The following POU2F1 variants were observed in gnomAD, a reference collection of about 807,000 sequenced individuals.
The protein encoded by POU2F1 is POU class 2 homeobox 1.
Under a neutral mutation model 84.9 loss-of-function variants are expected in POU2F1, and 16 were observed. The ratio of observed to expected loss-of-function variants is 0.19; its 90% CI spans 0.13 to 0.29. POU2F1 has a LOEUF of 0.29. Ranked by LOEUF, POU2F1 falls within the 10% of genes least tolerant of loss-of-function variation. POU2F1 has a pLI of 1.00. For missense variants in POU2F1, 738 were observed against 942.6 expected (o/e 0.78, Z 2.84); for synonymous variants, 368 against 368.3 (o/e 1.00, Z 0.01).
At chr1:167,415,419 A>G (rs2101952249) in intron 15 of POU2F1, 81 bp from the exon 16 acceptor site, 1 of 1,446,524 alleles carries the variant, frequency 6.9e-7, no homozygotes, top group Non-Finnish European at 9.4e-7. Flanking sequence ...AAAATGATAG[A>G]CTTTTGATGT....
chr1:167,310,671 A>T (rs1478089224), intron 1 of POU2F1, among the ~76,000 whole-genome samples: 1 of 152,206 alleles, frequency 6.6e-6, no homozygotes, highest in East Asian at 1.9e-4. Flanking sequence ...TACCACGATG[A>T]CAGAGATGTT....
chr1:167,398,214 G>T, intron 11 of POU2F1, 81 bp downstream of exon 11: 1 of 1,477,488 alleles, frequency 6.8e-7, no homozygotes. Context: ...ACTGTAGGTG[G>T]TAAAAGATGA....
chr1:167,383,899 A>C lies in POU2F1; in HGVS notation c.761A>C (p.Gln254Pro). 1 of 1,613,912 alleles carries C rather than the reference A, an allele frequency of 6.2e-7. No homozygotes were observed. ...AATCTTCTAACGCAACTACCTCAGC[A>C]AAGCCAAGCCAACCTCCTACAGTCG... ...AQNLLTQLPQ[Q>P]SQANLLQSQP... The change falls in exon 8 of 16, where the codon CAA becomes CCA. Residue 254 changes from glutamine to proline, a missense_variant. Coordinates refer to ENST00000367866, the MANE Select transcript of POU2F1 (RefSeq NM_002697.4).
At chr1:167,251,061 T>C (rs1280248614) in intron 1 of POU2F1, among the ~76,000 whole-genome samples, 1 of 152,192 alleles carries the variant, frequency 6.6e-6, no homozygotes, top group Non-Finnish European at 1.5e-5. Context: ...AGGTGTATTA[T>C]AAGAACATCT....
rs115202617 is a variant in POU2F1 at position 167,310,243 on chromosome 1, G to T, written c.62-22227G>T. Among the ~76,000 whole-genome samples the T allele has an allele frequency of 7.5e-3, 1,133 of 152,046 alleles. 15 individuals carry two copies. The highest frequency in any genetic ancestry group is 0.026 in the African/African-American group (1,089 of 41,494). ...TTTAATATTAAAAACCAGGAAAGGG[G>T]GGAAGGGAGATCCACAACAAAGAAC... On this transcript the variant is annotated intron_variant, in intron 1 of 15. Transcript: ENST00000367866.
intron 9 of POU2F1, among the ~76,000 whole-genome samples, chr1:167,395,817 C>G (rs192281246): frequency 6.6e-6 from 1 of 152,098 alleles, no homozygotes; most frequent in Non-Finnish European, 1.5e-5. Flanking sequence ...CCAGGCTGGT[C>G]TGGAAATCCT....
chr1:167,391,739 G>C (rs1423104603), intron 9 of POU2F1, among the ~76,000 whole-genome samples: 1 of 150,704 alleles, frequency 6.6e-6, no homozygotes, highest in Non-Finnish European at 1.5e-5. Flanking sequence ...GCTAATTTTT[G>C]TAGAGACAAG....
At chr1:167,354,969 C>T (rs1658839781) in intron 2 of POU2F1, among the ~76,000 whole-genome samples, 1 of 151,912 alleles carries the variant, frequency 6.6e-6, no homozygotes, top group Admixed American at 6.5e-5. Flanking sequence ...TTTCTTTTTT[C>T]AATTCACTTT....
intron 5 of POU2F1, 83 bp from the exon 6 acceptor site, chr1:167,374,025 G>A (rs1346931589): frequency 3.8e-6 from 5 of 1,329,986 alleles, no homozygotes; most frequent in African/African-American, 2.9e-5. Context: ...TATCATTTGA[G>A]TTACCTATTT....
chr1:167,346,969 TA>T (rs1463162453), intron 2 of POU2F1, among the ~76,000 whole-genome samples: 1 of 152,214 alleles, frequency 6.6e-6, no homozygotes, highest in African/African-American at 2.4e-5. Flanking sequence ...ACAAACAATC[TA>T]AAAAATGAGC....
chr1:167,353,391 A>T (rs1312675393), intron 2 of POU2F1, among the ~76,000 whole-genome samples: 6 of 136,098 alleles, frequency 4.4e-5, no homozygotes, highest in Non-Finnish European at 4.7e-5. Context: ...ATCTCTCTTT[A>T]CCCCCACCGC....
chr1:167,235,562 T>C (rs1649386900), intron 1 of POU2F1, among the ~76,000 whole-genome samples: 1 of 152,162 alleles, frequency 6.6e-6, no homozygotes, highest in Admixed American at 6.5e-5. Context: ...GGTTTGGTGA[T>C]TGAGCCCATT....
Position 167,389,589 on chromosome 1 carries a change from C to T in POU2F1, c.815C>T (p.Pro272Leu). ...ATTGTTTTATTCTTTCTCCAACAGC[C>T]AGCAACCCCAACACGCACAATAGCA... is the stretch of plus-strand genomic sequence containing the variant. ...SQPSITLTSQ[P>L]ATPTRTIAAT... Residue 272 changes from proline to leucine, a missense_variant and splice_region_variant, in exon 9 of 16, where the codon CCA (proline) becomes CTA (leucine). This residue lies in a region of POU2F1 where 163 missense variants were observed against 214.4 expected (regional missense o/e 0.76). Coordinates refer to ENST00000367866, the MANE Select transcript of POU2F1 (RefSeq NM_002697.4). 6.2e-7 allele frequency: 1 copy of T among 1,614,038 alleles called. No individual in the cohort carries two copies. Among genetic ancestry groups the T allele is most frequent in the Non-Finnish European group, 8.5e-7 (1 of 1,179,950 alleles).
At chr1:167,270,883 TA>T (rs1652321163) in intron 1 of POU2F1, among the ~76,000 whole-genome samples, 1 of 152,224 alleles carries the variant, frequency 6.6e-6, no homozygotes, top group Non-Finnish European at 1.5e-5. Flanking sequence ...GGTTTTTCAC[TA>T]ACTCCTGAAT....
chr1:167,252,493 C>T (rs938982715), intron 1 of POU2F1, among the ~76,000 whole-genome samples: 11 of 152,122 alleles, frequency 7.2e-5, no homozygotes, highest in East Asian at 1.9e-4. Flanking sequence ...CGTGAGCCAC[C>T]GCGCCCGGCC....
At chr1:167,399,453 G>T in intron 12 of POU2F1, 88 bp downstream of exon 12, 1 of 1,118,414 alleles carries the variant, frequency 8.9e-7, no homozygotes, top group South Asian at 1.6e-5. Context: ...TTTCATAATA[G>T]TAATTTAATG....
intron 2 of POU2F1, among the ~76,000 whole-genome samples, chr1:167,363,684 G>A (rs1659487213): frequency 6.6e-6 from 1 of 152,182 alleles, no homozygotes; most frequent in Non-Finnish European, 1.5e-5. Context: ...AACTGTATAT[G>A]TCTAAGTAGT....
chr1:167,361,063 T>A (rs1659324208), intron 2 of POU2F1, among the ~76,000 whole-genome samples: 1 of 152,202 alleles, frequency 6.6e-6, no homozygotes, highest in Admixed American at 6.5e-5. Context: ...TTTTTGTACA[T>A]TGATTTCGTA....
At chr1:167,267,433 T>C (rs12755268) in intron 1 of POU2F1, among the ~76,000 whole-genome samples, 1,916 of 152,218 alleles carry the variant, frequency 0.013, 17 homozygotes, top group South Asian at 0.039. Flanking sequence ...ATCTTACTTA[T>C]AACTAGCTCT....
Sources: allele counts gnomAD v4.1 joint callset (sites outside exome capture counted in the v4.1 genomes callset), GRCh38; gene constraint gnomAD v4.1.1; regional missense constraint gnomAD v4.1.1; transcripts MANE v1.5; gene names NCBI Gene and HGNC (gene_info 2026-07-23, HGNC 2026-07-21).